BRF1: variants seen among roughly 807,000 people sequenced by gnomAD.
BRF1 encodes transcription factor IIIB 90 kDa subunit.
In BRF1, 59 loss-of-function variants were observed where a neutral mutation model predicts 81.7. That is an observed-to-expected ratio of 0.72 (90% CI 0.59 to 0.90). BRF1 has a LOEUF of 0.90. Among genes scored for constraint, BRF1 ranks in the 40% least tolerant of loss-of-function variants. The pLI, the probability that BRF1 is intolerant of heterozygous loss-of-function variation, is 0.00. For synonymous variants in BRF1, 491 were observed against 395.6 expected (o/e 1.24, Z -2.86); for missense variants, 1,050 against 936.3 (o/e 1.12, Z -1.58).
chr14:105,265,777 T>C (rs1333844562), intron 3 of BRF1, among the ~76,000 whole-genome samples: 5 of 151,978 alleles, frequency 3.3e-5, no homozygotes, highest in Non-Finnish European at 5.9e-5. Context: ...GGCGGGCACC[T>C]GTATTCCCAG....
chr14:105,267,581 G>C (rs759790703), intron 3 of BRF1, among the ~76,000 whole-genome samples: 2 of 152,124 alleles, frequency 1.3e-5, no homozygotes, highest in Non-Finnish European at 2.9e-5. Context: ...CAAAGTGATG[G>C]GATTTACAGG....
chr14:105,305,799 G>A (rs1667547715), upstream of BRF1, among the ~76,000 whole-genome samples: 1 of 152,242 alleles, frequency 6.6e-6, no homozygotes, highest in African/African-American at 2.4e-5. Flanking sequence ...CGGCCAAGGG[G>A]CACCAGTGCC....
At chr14:105,300,386 G>T in intron 1 of BRF1, 60 bp downstream of exon 1, 1 of 1,400,242 alleles carries the variant, frequency 7.1e-7, no homozygotes, top group Non-Finnish European at 9.3e-7. Context: ...CGCCGTCACC[G>T]CCTCCAGCCC....
intron 15 of BRF1, among the ~76,000 whole-genome samples, chr14:105,216,770 G>A (rs1435593953): frequency 2.6e-5 from 4 of 152,232 alleles, no homozygotes; most frequent in Non-Finnish European, 5.9e-5. Context: ...CAACGCAAGA[G>A]ATCCCAAGAA....
intron 7 of BRF1, 147 bp downstream of exon 7, chr14:105,228,673 T>A: frequency 1.2e-6 from 1 of 839,532 alleles, no homozygotes; most frequent in South Asian, 1.6e-5. Context: ...CAAGCCATAG[T>A]GTGACCGGGG....
chr14:105,270,349 G>T (rs1170642581), intron 3 of BRF1, among the ~76,000 whole-genome samples: 4 of 151,634 alleles, frequency 2.6e-5, no homozygotes, highest in Admixed American at 2.0e-4. Flanking sequence ...AATTTTTTTT[G>T]TATTTTTAGT....
chr14:105,305,172 G>A (rs2058150511), upstream of BRF1, among the ~76,000 whole-genome samples: 1 of 152,112 alleles, frequency 6.6e-6, no homozygotes. Flanking sequence ...AGGCTGAGGA[G>A]GGAGGATTGC....
rs587727482 is a variant in BRF1, at chr14:105,295,478, C to T, written c.184+4968G>A. ...CAAAAATTAGCTGGGTATAGTAGGG[C>T]GCACCTGTAGTACCAGCAACTCAGG... On this transcript the variant is annotated intron_variant, in intron 1 of 17. Transcript: ENST00000547530. 3.3e-5 allele frequency among the ~76,000 whole-genome samples: 5 copies of T among 151,852 alleles called. No homozygotes were observed. In the South Asian group the frequency reaches 8.3e-4, roughly 25 times the overall value.
rs587723169 is a variant in BRF1, at chr14:105,292,366, G to GT, written c.185-5991dup. Among the ~76,000 whole-genome samples the GT allele has an allele frequency of 3.3e-3, 501 of 152,006 alleles. 3 individuals carry two copies. The highest frequency in any genetic ancestry group is 0.014 in the East Asian group (73 of 5,148). On this transcript the variant is annotated intron_variant, in intron 1 of 17. Transcript: ENST00000547530. ...GCCCAGCTAATTTTTGTATTTTGGG[G>GT]TTTTTTCTTGTTTTGTTTTTTTAGT...
At chr14:105,290,127 T>C (rs2057462459) in intron 1 of BRF1, among the ~76,000 whole-genome samples, 1 of 152,010 alleles carries the variant, frequency 6.6e-6, no homozygotes, top group African/African-American at 2.4e-5. Flanking sequence ...ATGATCAAAG[T>C]ATAAAAAGCC....
At chr14:105,287,863 G>A (rs765140353) in intron 1 of BRF1, among the ~76,000 whole-genome samples, 4 of 152,248 alleles carry the variant, frequency 2.6e-5, no homozygotes, top group Non-Finnish European at 5.9e-5. Context: ...TACTGGGCCC[G>A]TCCGGAAACT....
intron 10 of BRF1, among the ~76,000 whole-genome samples, chr14:105,225,577 T>C (rs1892953379): frequency 6.6e-6 from 1 of 152,130 alleles, no homozygotes; most frequent in Admixed American, 6.5e-5. Context: ...ATAAAAATAT[T>C]TTACCCCAAA....
Position 105,226,741 on chromosome 14 carries a change from T to C in BRF1, c.808A>G (p.Thr270Ala). The change falls in exon 8 of 18, where the codon ACC becomes GCC. Residue 270 changes from threonine to alanine, a missense_variant. Transcript: ENST00000547530. ...TCAATGGTCAACTGACTGGTGGGGG[T>C]GTCTTCAAATTCCGTGAGCCTAAAA... Reference protein sequence around the residue: ...LRKRLTEFEDTPTSQLTIDEF... With the variant: ...LRKRLTEFEDAPTSQLTIDEF... 1 of 1,613,514 alleles carries C rather than the reference T, an allele frequency of 6.2e-7. No homozygotes were observed. Among genetic ancestry groups the C allele is most frequent in the Non-Finnish European group, 8.5e-7 (1 of 1,179,984 alleles).
chr14:105,217,051 G>C (rs148684482), intron 15 of BRF1, among the ~76,000 whole-genome samples: 1 of 152,208 alleles, frequency 6.6e-6, no homozygotes, highest in African/African-American at 2.4e-5. Flanking sequence ...GCAGAGCCTC[G>C]TGACCCTGTG....
chr14:105,240,950 A>C (rs1360311572), intron 6 of BRF1, among the ~76,000 whole-genome samples: 1 of 152,156 alleles, frequency 6.6e-6, no homozygotes, highest in African/African-American at 2.4e-5. Flanking sequence ...TCCGCGTCAG[A>C]AGCCGGGCCC....
intron 2 of BRF1, among the ~76,000 whole-genome samples, chr14:105,282,375 C>T (rs1161365311): frequency 1.3e-5 from 2 of 152,196 alleles, no homozygotes; most frequent in African/African-American, 4.8e-5. Flanking sequence ...GAGTTTATTT[C>T]CATCTTTGCA....
chr14:105,283,878 G>A (rs2057213319), intron 2 of BRF1, among the ~76,000 whole-genome samples: 1 of 152,164 alleles, frequency 6.6e-6, no homozygotes, highest in South Asian at 2.1e-4. Context: ...GGCAGAGCTG[G>A]GCCCCAACCC....
At chr14:105,249,740 G>C (rs1286834070) in intron 5 of BRF1, 5 of 1,613,940 alleles carry the variant, frequency 3.1e-6, no homozygotes, top group Non-Finnish European at 4.2e-6. Flanking sequence ...AAAAGCCTGT[G>C]TCAACTTTCT....
intron 6 of BRF1, 127 bp downstream of exon 6, chr14:105,241,138 C>T (rs1266819733): frequency 8.9e-6 from 13 of 1,457,596 alleles, no homozygotes; most frequent in Middle Eastern, 2.5e-4. Context: ...GAGTCAGCCC[C>T]GGGAGGCTGG....
Sources: allele counts gnomAD v4.1 joint callset (sites outside exome capture counted in the v4.1 genomes callset), GRCh38; gene constraint gnomAD v4.1.1; transcripts MANE v1.5; gene names NCBI Gene and HGNC (gene_info 2026-07-23, HGNC 2026-07-21).